Variants in LIMCH1 observed in about 807,000 individuals in gnomAD.
The protein encoded by LIMCH1 is LIM and calponin homology domains 1.
LIMCH1 carries 113 observed loss-of-function variants against 176.5 expected under a neutral mutation model. The observed-to-expected ratio is 0.64, with a 90% CI of 0.55 to 0.75. The LOEUF (loss-of-function observed/expected upper bound fraction) is 0.75. LIMCH1 is among the 30% of genes least tolerant of loss of function. The pLI is 0.00. For synonymous variants in LIMCH1, 619 were observed against 645.9 expected, an observed-to-expected ratio of 0.96 and a Z score of 0.63; for missense variants, 1,674 against 1,814.9, an observed-to-expected ratio of 0.92 and a Z score of 1.41.
chr4:41,516,055 C>G (rs2075550775), intron 2 of LIMCH1, among the ~76,000 whole-genome samples: 1 of 152,184 alleles, frequency 6.6e-6, no homozygotes, highest in Admixed American at 6.5e-5. Context: ...ACTTTAGTCT[C>G]CATTTTATGT....
intron 1 of LIMCH1, among the ~76,000 whole-genome samples, chr4:41,413,550 A>G (rs1247153647): frequency 6.8e-6 from 1 of 147,852 alleles, no homozygotes; most frequent in Non-Finnish European, 1.5e-5. Flanking sequence ...GTTGCCCAGG[A>G]TGGTCTCAAA....
chr4:41,495,019 G>A (rs11736946), intron 2 of LIMCH1, among the ~76,000 whole-genome samples: 39,596 of 151,986 alleles, frequency 0.26, 5,407 homozygotes, highest in South Asian at 0.34. Flanking sequence ...AAAACATGCC[G>A]GGTAATGCTC....
chr4:41,398,129 G>A (rs1455035301), intron 1 of LIMCH1, among the ~76,000 whole-genome samples: 2 of 149,350 alleles, frequency 1.3e-5, no homozygotes, highest in Admixed American at 6.7e-5. Flanking sequence ...AAATGTTGAA[G>A]AACTTGGAAT....
rs187591639 is a variant in LIMCH1, at chr4:41,660,425, G to A, written c.3037-995G>A. On this transcript the variant is annotated intron_variant, in intron 18 of 31. Coordinates refer to ENST00000503057, the MANE Select transcript of LIMCH1 (RefSeq NM_001330672.2). Reference sequence around the variant, plus strand: ...GAACATGACAGTGATGTACCAAGTGGATTGGACAGTGAGGTTCAAATCACA... The same window carrying A: ...GAACATGACAGTGATGTACCAAGTGAATTGGACAGTGAGGTTCAAATCACA... Among the ~76,000 whole-genome samples the A allele has an allele frequency of 2.2e-3, 341 of 152,308 alleles. 1 individual carries two copies. The highest frequency in any genetic ancestry group is 7.8e-3 in the African/African-American group (326 of 41,580).
At chr4:41,661,583 A>T in intron 19 of LIMCH1, 73 bp downstream of exon 19, 1 of 1,126,616 alleles carries the variant, frequency 8.9e-7, no homozygotes, top group Non-Finnish European at 1.3e-6. Flanking sequence ...ATAGTCAAGA[A>T]TTTTTCCTAC....
intron 1 of LIMCH1, among the ~76,000 whole-genome samples, chr4:41,397,489 T>G (rs2057922487): frequency 6.6e-6 from 1 of 152,210 alleles, no homozygotes; most frequent in African/African-American, 2.4e-5. Flanking sequence ...TCAGTAATAT[T>G]TAGCCCTATG....
intron 22 of LIMCH1, among the ~76,000 whole-genome samples, chr4:41,675,057 C>T (rs979872768): frequency 1.3e-5 from 2 of 152,168 alleles, no homozygotes; most frequent in Non-Finnish European, 2.9e-5. Flanking sequence ...TTGGGTTTGA[C>T]TATTCTGTGA....
rs7659553 is a variant in LIMCH1, at chr4:41,612,941, C to T, written c.10-525C>T. On this transcript the variant is annotated intron_variant, in intron 4 of 31. Coordinates refer to ENST00000503057, the MANE Select transcript of LIMCH1 (RefSeq NM_001330672.2). ...CCTTCAAGGTAGCAGGAGATGAACGCGTGCTGCTCCAGGATTTTACAGAAC... is the reference window on the plus strand; with the variant it reads ...CCTTCAAGGTAGCAGGAGATGAACGTGTGCTGCTCCAGGATTTTACAGAAC... The T allele has an allele frequency of 6.3e-3, 9,564 of 1,515,114 alleles. 71 individuals are homozygous for T. Among genetic ancestry groups the T allele is most frequent in the African/African-American group, 0.031 (2,220 of 71,456 alleles). The allele number at this position is 1,515,114 out of a possible 1,614,324, so 93.9% of individuals were successfully genotyped here.
At chr4:41,524,164 G>T (rs532266404) in intron 2 of LIMCH1, among the ~76,000 whole-genome samples, 1 of 152,214 alleles carries the variant, frequency 6.6e-6, no homozygotes, top group African/African-American at 2.4e-5. Flanking sequence ...GCCCTCCTCA[G>T]TCTCTACCTT....
intron 1 of LIMCH1, among the ~76,000 whole-genome samples, chr4:41,563,510 A>G (rs2082324643): frequency 6.6e-6 from 1 of 152,184 alleles, no homozygotes; most frequent in Non-Finnish European, 1.5e-5. Context: ...TTCCTACACA[A>G]AAGAGTAGAA....
At chr4:41,425,218 G>A (rs761075499) in intron 1 of LIMCH1, among the ~76,000 whole-genome samples, 2 of 152,190 alleles carry the variant, frequency 1.3e-5, no homozygotes, top group Non-Finnish European at 1.5e-5. Context: ...AATACAGAGA[G>A]AGAATGACTT....
chr4:41,496,270 G>A (rs1196570889), intron 2 of LIMCH1, among the ~76,000 whole-genome samples: 1 of 152,242 alleles, frequency 6.6e-6, no homozygotes, highest in Admixed American at 6.5e-5. Flanking sequence ...TAGGTAGGAT[G>A]AAATTGTCTA....
intron 8 of LIMCH1, 42 bp downstream of exon 8, chr4:41,627,052 G>GTCTA: frequency 6.7e-7 from 1 of 1,493,990 alleles, no homozygotes; most frequent in Non-Finnish European, 8.9e-7. Context: ...GTGTGTGTGT[G>GTCTA]TCTATGAAAG....
chr4:41,662,756 A>C (rs755043530), intron 19 of LIMCH1, 65 bp from the exon 20 acceptor site: 34 of 1,548,512 alleles, frequency 2.2e-5, no homozygotes, highest in Non-Finnish European at 9.8e-6. Context: ...TTGCAGAATA[A>C]ATGGTCCTAT....
chr4:41,668,595 A>G (rs948011294), intron 21 of LIMCH1, among the ~76,000 whole-genome samples: 1 of 152,254 alleles, frequency 6.6e-6, no homozygotes, highest in East Asian at 1.9e-4. Context: ...TCTTTACCCA[A>G]GTCGAATGAC....
intron 1 of LIMCH1, among the ~76,000 whole-genome samples, chr4:41,370,326 G>A (rs1251643359): frequency 1.3e-5 from 2 of 152,066 alleles, no homozygotes; most frequent in African/African-American, 4.8e-5. Flanking sequence ...AAAAAGAAAT[G>A]GAAGAATTTT....
chr4:41,399,717 C>G (rs528681562), intron 1 of LIMCH1, among the ~76,000 whole-genome samples: 120 of 93,854 alleles, frequency 1.3e-3, no homozygotes, highest in Non-Finnish European at 1.9e-3. Context: ...GAGTCTTGCT[C>G]TTTCGCCAGG....
intron 1 of LIMCH1, among the ~76,000 whole-genome samples, chr4:41,420,816 A>G (rs552382670): frequency 6.6e-6 from 1 of 152,350 alleles, no homozygotes; most frequent in East Asian, 1.9e-4. Context: ...TGTGGCTGCC[A>G]AGAGCTTGAT....
chr4:41,410,562 G>A (rs2059389732), intron 1 of LIMCH1, among the ~76,000 whole-genome samples: 1 of 152,128 alleles, frequency 6.6e-6, no homozygotes, highest in South Asian at 2.1e-4. Context: ...GGGTGTGATA[G>A]CTCTGCTTGG....
Sources: gnomAD v4.1 joint callset for allele counts (sites outside exome capture counted in the v4.1 genomes callset) on GRCh38, gnomAD v4.1.1 for gene constraint, MANE v1.5 for transcripts, NCBI Gene and HGNC (gene_info 2026-07-23, HGNC 2026-07-21) for gene names.